The following EPS8L1 variants were observed in gnomAD, a reference collection of about 807,000 sequenced individuals.
The protein encoded by EPS8L1 is epidermal growth factor receptor kinase substrate 8-like protein 1.
EPS8L1 carries 101 observed loss-of-function variants against 91.7 expected under a neutral mutation model. The ratio of observed to expected loss-of-function variants is 1.10; its 90% CI spans 0.94 to 1.30. The LOEUF is 1.30. Among genes scored for constraint, EPS8L1 ranks in the 50% most tolerant of loss-of-function variants. The pLI, the probability that EPS8L1 is intolerant of heterozygous loss-of-function variation, is 0.00. For synonymous variants in EPS8L1, 506 were observed against 445.3 expected (o/e 1.14, Z -1.72); for missense variants, 1,114 against 1,017.0 (o/e 1.10, Z -1.30).
In EPS8L1 at chr19:55,079,788, G is replaced by C. The variant is rs1164970682; in HGVS notation, c.216G>C (p.Trp72Cys). 2 of 1,613,988 alleles carry C rather than the reference G, an allele frequency of 1.2e-6. No homozygotes were observed. Among genetic ancestry groups the C allele is most frequent in the East Asian group, 2.2e-5 (1 of 44,882 alleles). ...TCATGGATAGCCAGGGCCGAGTCTGGGCACAGGAGATGCTGCTGCGAGTGT... is the reference window on the plus strand; with the variant it reads ...TCATGGATAGCCAGGGCCGAGTCTGCGCACAGGAGATGCTGCTGCGAGTGT... ...LAVMDSQGRV[W>C]AQEMLLRVSP... The change falls in exon 5 of 20, where the codon TGG becomes TGC. Residue 72 changes from tryptophan to cysteine, a missense_variant. Transcript: ENST00000201647.
chr19:55,079,616 T>C (rs2076209510), intron 4 of EPS8L1, 74 bp from the exon 5 acceptor site: 1 of 1,533,882 alleles, frequency 6.5e-7, no homozygotes, highest in African/African-American at 1.4e-5. Context: ...GCTGAAAGTC[T>C]GATTATTCTG....
In EPS8L1 at chr19:55,087,409, G is replaced by A. The variant is rs1281542140; in HGVS notation, c.2059G>A (p.Val687Ile). The change falls in exon 19 of 20, where the codon GTC becomes ATC. Residue 687 changes from valine to isoleucine, a missense_variant. By Grantham distance (29) the Val-to-Ile change is conservative. Transcript: ENST00000201647. ...GGAGGGGGCACGTGTGTACAGCCAGGTCACCGTGCAGCGCTCGCTGCTGGA... is the reference window on the plus strand; with the variant it reads ...GGAGGGGGCACGTGTGTACAGCCAGATCACCGTGCAGCGCTCGCTGCTGGA... Reference protein sequence around the residue: ...PEEGARVYSQVTVQRSLLEDK... With the variant: ...PEEGARVYSQITVQRSLLEDK... 6.2e-7 allele frequency: 1 copy of A among 1,614,008 alleles called. No homozygotes were observed. Among genetic ancestry groups the A allele is most frequent in the Non-Finnish European group, 8.5e-7 (1 of 1,180,030 alleles).
At chr19:55,080,617 A>AGG in intron 6 of EPS8L1, 155 bp from the exon 7 acceptor site, 1 of 1,554,488 alleles carries the variant, frequency 6.4e-7, no homozygotes, top group East Asian at 2.3e-5. Flanking sequence ...GTGTAGGGCG[A>AGG]GGGGTGAGTT....
Position 55,078,086 on chromosome 19 carries a change from A to G in EPS8L1, c.18-2A>G, listed in dbSNP as rs762413113. 2 of 1,613,678 alleles carry G rather than the reference A, an allele frequency of 1.2e-6. No homozygotes were observed. The highest frequency in any genetic ancestry group is 1.7e-6 in the Non-Finnish European group (2 of 1,179,832). On this transcript the variant is annotated splice_acceptor_variant, in intron 2 of 19. Coordinates refer to ENST00000201647, the MANE Select transcript of EPS8L1 (RefSeq NM_133180.3). LOFTEE classifies it high-confidence loss of function. ...CTCTCTCATTCCTCTTTTCTTCACC[A>G]GCCCAGAAGCTGCCCCAAAGCCAAG...
rs902865580 is a variant in EPS8L1 at position 55,079,556 on chromosome 19, G to A, written c.118-134G>A. 7 of 1,049,814 alleles carry A rather than the reference G, an allele frequency of 6.7e-6. No homozygotes were observed. In the African/African-American group the frequency reaches 8.0e-5, roughly 12 times the overall value. The allele number at this position is 1,049,814 out of a possible 1,614,324, so 65.0% of individuals were successfully genotyped here. On this transcript the variant is annotated intron_variant, in intron 4 of 19. Coordinates refer to ENST00000201647, the MANE Select transcript of EPS8L1 (RefSeq NM_133180.3). The stretch of plus-strand genomic sequence containing the variant: ...GCACTGGGAGGAGGAGCTGATTTGT[G>A]GAACAGGTGATCAAGGAAGGCTTCC...
At chr19:55,087,114 C>A in intron 18 of EPS8L1, 189 bp from the exon 19 acceptor site, 1 of 1,093,636 alleles carries the variant, frequency 9.1e-7, no homozygotes. Context: ...CCTTTGAAAG[C>A]AGGATGCGGC....
chr19:55,084,601 G>C (rs2076337540), intron 14 of EPS8L1: 1 of 152,176 alleles, frequency 6.6e-6, no homozygotes, highest in African/African-American at 2.4e-5. Flanking sequence ...CCCCACACAG[G>C]GGGTGCCGCG....
At position 55,079,723 on chromosome 19, in the gene EPS8L1, G is replaced by A. The variant is rs928860324; in HGVS notation, c.151G>A (p.Gly51Ser). Residue 51 changes from glycine (G) to serine (S), a missense_variant, in exon 5 of 20, where the codon GGC becomes AGC. Coordinates refer to ENST00000201647, the MANE Select transcript of EPS8L1 (RefSeq NM_133180.3). ...GACGTTCTGCCTGGGTGAGGACGAT[G>A]GCGTGCATACCGTGGAGGATGCCTC... ...LVTFCLGEDD[G>S]VHTVEDASRK... 1 of 1,614,042 alleles carries A rather than the reference G, an allele frequency of 6.2e-7. No homozygotes were observed.
intron 14 of EPS8L1, 83 bp from the exon 15 acceptor site, chr19:55,085,758 A>G: frequency 4.6e-6 from 7 of 1,513,536 alleles, no homozygotes; most frequent in Non-Finnish European, 6.2e-6. Flanking sequence ...CTTGGCTCTA[A>G]CCCCAGCTCA....
At chr19:55,086,964 C>CG (rs900230956) in intron 18 of EPS8L1, 76 bp downstream of exon 18, 10 of 1,393,886 alleles carry the variant, frequency 7.2e-6, no homozygotes, top group African/African-American at 3.0e-5. Context: ...GGCCGGGAGT[C>CG]GGGGGGCGGC....
At chr19:55,076,539 C>A in intron 2 of EPS8L1, 78 bp downstream of exon 2, 2 of 1,530,666 alleles carry the variant, frequency 1.3e-6, no homozygotes, top group East Asian at 2.3e-5. Flanking sequence ...CACCCGCTTG[C>A]GGCAGCCCAG....
chr19:55,083,567 C>A lies in EPS8L1; in HGVS notation c.1356+48C>A, dbSNP rs780604195. Reference sequence around the variant, plus strand: ...GCCGAGGCTGGGAAGTCCGGGGGCGCGGCCGGTCCGCCTGGCCCCGCCTGA... The same window carrying A: ...GCCGAGGCTGGGAAGTCCGGGGGCGAGGCCGGTCCGCCTGGCCCCGCCTGA... On this transcript the variant is annotated intron_variant, in intron 13 of 19. Transcript: ENST00000201647. The surrounding 1 kb of genome is among the most constrained non-coding windows in gnomAD (Gnocchi z 4.7). The A allele has an allele frequency of 6.3e-7, 1 of 1,594,942 alleles. No homozygotes were observed. The highest frequency in any genetic ancestry group is 8.5e-7 in the Non-Finnish European group (1 of 1,170,908).
At chr19:55,080,586 C>T (rs950644410) in intron 6 of EPS8L1, 186 bp from the exon 7 acceptor site, 3 of 1,603,060 alleles carry the variant, frequency 1.9e-6, no homozygotes, top group Non-Finnish European at 1.7e-6. Context: ...TGGGCGGGGT[C>T]GTGGCTTAGG....
chr19:55,079,454 C>T, intron 4 of EPS8L1: 2 of 600,152 alleles, frequency 3.3e-6, no homozygotes, highest in Non-Finnish European at 5.8e-6. Flanking sequence ...CAGACTCCTT[C>T]CCTGCCCGCA....
rs2076321299 is a variant in EPS8L1 at position 55,083,669 on chromosome 19, C to G, written c.1385+25C>G. On this transcript the variant is annotated intron_variant, in intron 14 of 19. Transcript: ENST00000201647. The surrounding 1 kb of genome is among the most constrained non-coding windows in gnomAD (Gnocchi z 4.7). Reference sequence around the variant, plus strand: ...GGTGAGTGTCCGCCCCAGGGCAGGGCAAGGGGGTCAAGGAGGGGTGCGTCC... The same window carrying G: ...GGTGAGTGTCCGCCCCAGGGCAGGGGAAGGGGGTCAAGGAGGGGTGCGTCC... 6.3e-7 allele frequency: 1 copy of G among 1,584,396 alleles called. No individual in the cohort carries two copies. The highest frequency in any genetic ancestry group is 8.6e-7 in the Non-Finnish European group (1 of 1,165,604).
rs140114807 is a variant in EPS8L1 at position 55,081,776 on chromosome 19, A to G, written c.778A>G (p.Ile260Val). The change falls in exon 9 of 20, where the codon ATC becomes GTC. Residue 260 changes from isoleucine to valine, a missense_variant. Transcript: ENST00000201647. This position sits in a 1 kb window ranked among gnomAD's most constrained non-coding sequence, Gnocchi z 4.9. ...GTCCCCCTCCTCTGTCCCCTAGGAC[A>G]TCCTGAACCACGTGTTCGACGACGT... is the stretch of plus-strand genomic sequence containing the variant. ...AVLQAEREVD[I>V]LNHVFDDVES... is the part of the protein sequence containing the mutation. 6.2e-7 allele frequency: 1 copy of G among 1,610,444 alleles called. No individual in the cohort carries two copies. Among genetic ancestry groups the G allele is most frequent in the East Asian group, 2.2e-5 (1 of 44,720 alleles).
chr19:55,080,803 C>G lies in EPS8L1; in HGVS notation c.461C>G (p.Ala154Gly). ...AELIREDIQG[A>G]LHNYRSGRGE... ...CTGATCCGAGAGGACATCCAGGGGG[C>G]TCTGCACAATTACCGCTCGGGCCGC... Residue 154 changes from alanine (A) to glycine (G), a missense_variant, in exon 7 of 20, where the codon GCT (alanine) becomes GGT (glycine). Physicochemically the swap from Ala to Gly is moderately conservative, Grantham distance 60 (BLOSUM62 0). Coordinates refer to ENST00000201647, the MANE Select transcript of EPS8L1 (RefSeq NM_133180.3). 6.2e-7 allele frequency: 1 copy of G among 1,612,006 alleles called. No homozygotes were observed.
At position 55,079,010 on chromosome 19, in the gene EPS8L1, C is replaced by T. The variant is rs1602917305; in HGVS notation, c.70C>T (p.Arg24Cys). The change falls in exon 4 of 20, where the codon CGT becomes TGT. Residue 24 changes from arginine to cysteine, a missense_variant. Arg to Cys is a radical substitution (Grantham distance 180, BLOSUM62 -3). Transcript: ENST00000201647. Reference sequence around the variant, plus strand: ...TTCTCCCCTGGCAGAGCAGAGGAAGCGTTACTCCACAGTTGTTATGGCTGA... The same window carrying T: ...TTCTCCCCTGGCAGAGCAGAGGAAGTGTTACTCCACAGTTGTTATGGCTGA... ...SAKSIYEQRK[R>C]YSTVVMADVS... is the part of the protein sequence containing the mutation. 1.9e-6 allele frequency: 3 copies of T among 1,613,966 alleles called. No homozygotes were observed. Among genetic ancestry groups the T allele is most frequent in the Non-Finnish European group, 1.7e-6 (2 of 1,179,928 alleles).
intron 6 of EPS8L1, chr19:55,080,550 G>C (rs758130082): frequency 6.2e-7 from 1 of 1,611,852 alleles, no homozygotes; most frequent in South Asian, 1.1e-5. Context: ...AGGTGGGGGC[G>C]AGGAACCACC....
Sources: allele counts gnomAD v4.1 joint callset, GRCh38; gene constraint gnomAD v4.1.1; non-coding constraint Gnocchi (gnomAD v3.1); transcripts MANE v1.5; gene names NCBI Gene and HGNC (gene_info 2026-07-23, HGNC 2026-07-21).